Variants in IDS observed in about 807,000 individuals in gnomAD.
IDS encodes iduronate 2-sulfatase, also known as alpha-L-iduronate sulfate sulfatase.
A neutral mutation model predicts 33.5 loss-of-function variants in IDS; 1 was observed. The ratio of observed to expected loss-of-function variants is 0.03; its 90% CI spans 0.01 to 0.14. The LOEUF is 0.14. Ranked by LOEUF, IDS falls within the 10% of genes least tolerant of loss-of-function variation. The pLI, the probability that IDS is intolerant of heterozygous loss-of-function variation, is 1.00. For missense variants in IDS, 328 were observed against 448.0 expected, an observed-to-expected ratio of 0.73 and a Z score of 2.42; for synonymous variants, 191 against 184.4, an observed-to-expected ratio of 1.04 and a Z score of -0.29.
rs782340724 is a variant in IDS at position 149,496,434 on chromosome X, T to C, written c.791A>G (p.Tyr264Cys). ...EVPDGLPPVAYNPWMDIRQRE... is the reference protein window; with the variant it reads ...EVPDGLPPVACNPWMDIRQRE... Reference sequence around the variant, plus strand: ...TTGCCTGATGTCCATCCAGGGGTTGTAGGCCACAGGGGGTAGGCCATCAGG... The same window carrying C: ...TTGCCTGATGTCCATCCAGGGGTTGCAGGCCACAGGGGGTAGGCCATCAGG... The change falls in exon 6 of 9, where the codon TAC (tyrosine) becomes TGC (cysteine). Residue 264 changes from tyrosine to cysteine, a missense_variant. Physicochemically the swap from Tyr to Cys is radical, Grantham distance 194. Around this residue, in one of 4 missense-constraint regions of IDS, gnomAD observed 265 missense variants for 339.2 expected, o/e 0.78. Coordinates refer to ENST00000340855, the MANE Select transcript of IDS (RefSeq NM_000202.8). 1 of 1,209,306 alleles carries C rather than the reference T, an allele frequency of 8.3e-7. No homozygotes were observed.
rs782554090 is a variant in IDS, at chrX:149,487,687, A to G, written c.1007-589T>C. Among the ~76,000 whole-genome samples the G allele has an allele frequency of 6.2e-5, 7 of 112,520 alleles. No homozygotes were observed. In the South Asian group the frequency reaches 1.5e-3, roughly 24 times the overall value. ...CCTCTCATTTCAGATCCTTAACCTC[A>G]ATTAAAAACAACCCTTCATGCCTAT... On this transcript the variant is annotated intron_variant, in intron 7 of 8. Transcript: ENST00000340855.
intron 8 of IDS, among the ~76,000 whole-genome samples, chrX:149,484,452 G>T (rs1214475013): frequency 8.9e-6 from 1 of 112,167 alleles, no homozygotes; most frequent in Non-Finnish European, 1.9e-5. Context: ...CTCCTGAGTA[G>T]CTGGGATTAC....
Position 149,487,455 on chromosome X carries a change from T to C in IDS, c.1007-357A>G, listed in dbSNP as rs2089348026. 1.8e-5 allele frequency: 9 copies of C among 500,324 alleles called. No homozygotes were observed. The South Asian group carries it at 2.7e-4, about 15-fold the overall frequency. The allele number at this position is 500,324 out of a possible 1,213,427, so 41.2% of individuals were successfully genotyped here. A position where few individuals can be genotyped will look rare whatever the true frequency, so the allele number is the denominator to read the frequency against. ...TAAGACATGCTCATTCTTGACAGGC[T>C]GGGAACCCTGAAAGCTGTAGTGTCA... On this transcript the variant is annotated intron_variant, in intron 7 of 8. Coordinates refer to ENST00000340855, the MANE Select transcript of IDS (RefSeq NM_000202.8).
At position 149,482,717 on chromosome X, in the gene IDS, T is replaced by C. The variant is rs1557337547; in HGVS notation, c.*29A>G. 2.5e-6 allele frequency: 3 copies of C among 1,209,212 alleles called. No individual in the cohort carries two copies. The highest frequency in any genetic ancestry group is 2.2e-5 in the Admixed American group (1 of 45,725). ...CTCTCACCAGCTGGAAGGGAGCACATCACATTTGCCATCCATGGTTGGCAA... is the reference window on the plus strand; with the variant it reads ...CTCTCACCAGCTGGAAGGGAGCACACCACATTTGCCATCCATGGTTGGCAA... On this transcript the variant is annotated 3_prime_UTR_variant, in exon 9 of 9. Coordinates refer to ENST00000340855, the MANE Select transcript of IDS (RefSeq NM_000202.8).
chrX:149,481,130 A>G lies in IDS; in HGVS notation c.*1616T>C, dbSNP rs1557337396. On this transcript the variant is annotated 3_prime_UTR_variant, in exon 9 of 9. Transcript: ENST00000340855. ...TTACAGGCTGTATTGTAAAAGCCAC[A>G]GTGAACATGATGACAGCAACAACGA... 1 of 112,489 alleles carries G rather than the reference A, an allele frequency of 8.9e-6. No individual in the cohort carries two copies. Among genetic ancestry groups the G allele is most frequent in the African/African-American group, 3.2e-5 (1 of 30,952 alleles). 9.3% of individuals were successfully genotyped at this position (112,489 alleles called of 1,213,427 possible). A position where few individuals can be genotyped will look rare whatever the true frequency, so the allele number is the denominator to read the frequency against.
chrX:149,494,622 G>T (rs782208452), intron 6 of IDS, among the ~76,000 whole-genome samples: 1 of 111,698 alleles, frequency 9.0e-6, no homozygotes, highest in African/African-American at 3.3e-5. Context: ...GCACATGCAG[G>T]CATCAGGGAG....
Position 149,480,549 on chromosome X carries a change from T to A in IDS, c.*2197A>T. The A allele has an allele frequency of 3.4e-6, 1 of 293,788 alleles. No individual in the cohort carries two copies. Among genetic ancestry groups the A allele is most frequent in the Non-Finnish European group, 5.9e-6 (1 of 168,074 alleles). The allele number at this position is 293,788 out of a possible 1,213,427, so 24.2% of individuals were successfully genotyped here. On this transcript the variant is annotated 3_prime_UTR_variant, in exon 9 of 9. Coordinates refer to ENST00000340855, the MANE Select transcript of IDS (RefSeq NM_000202.8). ...AGGCTGGAATACAATGGCACGATCTTCATTCACTGAAACCTCCGTCTCCTG... is the reference window on the plus strand; with the variant it reads ...AGGCTGGAATACAATGGCACGATCTACATTCACTGAAACCTCCGTCTCCTG...
Position 149,484,521 on chromosome X carries a change from C to T in IDS, c.1181-1303G>A, listed in dbSNP as rs782221342. 3.6e-5 allele frequency among the ~76,000 whole-genome samples: 4 copies of T among 112,535 alleles called. No individual in the cohort carries two copies. The East Asian group carries it at 8.4e-4, about 24-fold the overall frequency. ...ATTTTTAGTAGAGATGGGGTTTCTCCTTGTTGGCCAGGATGGTCTTGATCT... is the reference window on the plus strand; with the variant it reads ...ATTTTTAGTAGAGATGGGGTTTCTCTTTGTTGGCCAGGATGGTCTTGATCT... On this transcript the variant is annotated intron_variant, in intron 8 of 8. Transcript: ENST00000340855.
Position 149,482,540 on chromosome X carries a change from A to C in IDS, c.*206T>G. The C allele has an allele frequency of 1.9e-6, 1 of 526,071 alleles. No homozygotes were observed. Among genetic ancestry groups the C allele is most frequent in the Non-Finnish European group, 3.0e-6 (1 of 336,980 alleles). The allele number at this position is 526,071 out of a possible 1,213,427, so 43.4% of individuals were successfully genotyped here. The stretch of plus-strand genomic sequence containing the variant: ...GGAAATTAAAAAAAAAACTGGTCCA[A>C]TTACCAATTATAAATTTTAATAAAG... On this transcript the variant is annotated 3_prime_UTR_variant, in exon 9 of 9. Coordinates refer to ENST00000340855, the MANE Select transcript of IDS (RefSeq NM_000202.8).
At chrX:149,502,996 G>A in intron 3 of IDS, 1 of 517,918 alleles carries the variant, frequency 1.9e-6, no homozygotes, top group South Asian at 3.2e-5. Flanking sequence ...GGAGAGGGTG[G>A]GGCCCTGAGC....
intron 2 of IDS, 120 bp downstream of exon 2, chrX:149,504,037 C>T (rs1381103059): frequency 2.5e-5 from 16 of 634,362 alleles, no homozygotes; most frequent in Non-Finnish European, 4.0e-5. Context: ...CCAGACTATG[C>T]TTCCCTCTAA....
At position 149,482,172 on chromosome X, in the gene IDS, C is replaced by G. The variant is rs2089299212; in HGVS notation, c.*574G>C. 1 of 111,661 alleles carries G rather than the reference C, an allele frequency of 9.0e-6. No homozygotes were observed. 9.2% of individuals were successfully genotyped at this position (111,661 alleles called of 1,213,427 possible). On this transcript the variant is annotated 3_prime_UTR_variant, in exon 9 of 9. Transcript: ENST00000340855. ...TTATGAAATCCCATGGTCTTAGAAA[C>G]AAAAGATAGACTTTAAGACACTGGC... is the stretch of plus-strand genomic sequence containing the variant.
Position 149,480,547 on chromosome X carries a change from C to G in IDS, c.*2199G>C. On this transcript the variant is annotated 3_prime_UTR_variant, in exon 9 of 9. Coordinates refer to ENST00000340855, the MANE Select transcript of IDS (RefSeq NM_000202.8). ...CGAGGCTGGAATACAATGGCACGAT[C>G]TTCATTCACTGAAACCTCCGTCTCC... The G allele has an allele frequency of 3.4e-6, 1 of 293,716 alleles. No individual in the cohort carries two copies. Among genetic ancestry groups the G allele is most frequent in the Non-Finnish European group, 6.0e-6 (1 of 168,041 alleles). The allele number at this position is 293,716 out of a possible 1,213,427, so 24.2% of individuals were successfully genotyped here.
chrX:149,487,101 A>G lies in IDS; in HGVS notation c.1007-3T>C. 4 of 1,211,393 alleles carry G rather than the reference A, an allele frequency of 3.3e-6. No individual in the cohort carries two copies. The highest frequency in any genetic ancestry group is 4.5e-6 in the Non-Finnish European group (4 of 895,155). ...TCCATGTTCACCTAGAGCCCACCCTAGTTCATAAAAAGCACAGAATGACAG... is the reference window on the plus strand; with the variant it reads ...TCCATGTTCACCTAGAGCCCACCCTGGTTCATAAAAAGCACAGAATGACAG... On this transcript the variant is annotated splice_polypyrimidine_tract_variant and splice_region_variant and intron_variant, in intron 7 of 8. Transcript: ENST00000340855.
chrX:149,500,975 A>G lies in IDS; in HGVS notation c.481T>C (p.Ser161Pro). The change falls in exon 4 of 9, where the codon TCC becomes CCC. Residue 161 changes from serine to proline, a missense_variant. Physicochemically the swap from Ser to Pro is moderately conservative, Grantham distance 74 (BLOSUM62 -1). Around this residue, in one of 4 missense-constraint regions of IDS, gnomAD observed 265 missense variants for 339.2 expected, o/e 0.78. Transcript: ENST00000340855. ...TTAGTGTTTTCATACTTCTCAGAGG[A>G]AGGATGATAAGGTGGAAAAGACCAG... Reference protein sequence around the residue: ...YSWSFPPYHPSSEKYENTKTC... With the variant: ...YSWSFPPYHPPSEKYENTKTC... The G allele has an allele frequency of 8.5e-7, 1 of 1,178,031 alleles. No homozygotes were observed. The highest frequency in any genetic ancestry group is 1.2e-6 in the Non-Finnish European group (1 of 864,564).
rs782751345 is a variant in IDS, at chrX:149,498,299, T to C, written c.516A>G (p.Arg172=). Residue 172 remains arginine (R), a synonymous_variant, in exon 5 of 9, where the codon CGA becomes CGG. Coordinates refer to ENST00000340855, the MANE Select transcript of IDS (RefSeq NM_000202.8). ...SEKYENTKTC[R]GPDGELHANL... ...TGGCATGGAGTTCTCCATCTGGCCC[T>C]CGACATGTCTTTCAAAACAAAATAA... The C allele has an allele frequency of 2.5e-6, 3 of 1,208,540 alleles. No homozygotes were observed. Among genetic ancestry groups the C allele is most frequent in the Non-Finnish European group, 3.4e-6 (3 of 892,666 alleles).
chrX:149,505,200 CA>C lies in IDS; in HGVS notation c.-64del, dbSNP rs1175234226. On this transcript the variant is annotated 5_prime_UTR_variant, in exon 1 of 9. The change abolishes the stop of an existing upstream ORF in the 5' untranslated region. Coordinates refer to ENST00000340855, the MANE Select transcript of IDS (RefSeq NM_000202.8). ...AGGCTGCAGCAGGTGGCGCAGTTAG[CA>C]GCCGCCGCCGCAGCCACAGAGACCT... The C allele has an allele frequency of 1.2e-6, 1 of 826,527 alleles. No individual in the cohort carries two copies. Among genetic ancestry groups the C allele is most frequent in the African/African-American group, 2.1e-5 (1 of 48,494 alleles). 68.1% of individuals were successfully genotyped at this position (826,527 alleles called of 1,213,427 possible).
rs782599380 is a variant in IDS at position 149,503,929 on chromosome X, A to G, written c.240+228T>C. On this transcript the variant is annotated intron_variant, in intron 2 of 8. Transcript: ENST00000340855. ...AGCTGGCCAGGGCTGCCATGAACAC[A>G]TCAGGGCCAGGGCGCACCTTGCACC... Among the ~76,000 whole-genome samples, 29 of 111,452 alleles carry G rather than the reference A, an allele frequency of 2.6e-4. No individual in the cohort carries two copies. In the South Asian group the frequency reaches 0.011, roughly 42 times the overall value.
Position 149,505,272 on chromosome X carries a change from G to T in IDS, c.-135C>A. On this transcript the variant is annotated 5_prime_UTR_variant, in exon 1 of 9. Coordinates refer to ENST00000340855, the MANE Select transcript of IDS (RefSeq NM_000202.8). ...GACTGCGCAACACAGCCGCCGCCCG[G>T]GCCCGCAGGCCCGGGCGCTGGCCGC... The T allele has an allele frequency of 3.0e-6, 1 of 335,361 alleles. No individual in the cohort carries two copies. Among genetic ancestry groups the T allele is most frequent in the Non-Finnish European group, 5.1e-6 (1 of 196,560 alleles). 27.6% of individuals were successfully genotyped at this position (335,361 alleles called of 1,213,427 possible).
Sources: gnomAD v4.1 joint callset for allele counts (sites outside exome capture counted in the v4.1 genomes callset) on GRCh38, gnomAD v4.1.1 for gene constraint, gnomAD v4.1.1 regional missense constraint, MANE v1.5 for transcripts, NCBI Gene and HGNC (gene_info 2026-07-23, HGNC 2026-07-21) for gene names.